PRAG1: variants seen among roughly 807,000 people sequenced by gnomAD.
PRAG1 encodes inactive tyrosine-protein kinase PRAG1.
Under a neutral mutation model 95.6 loss-of-function variants are expected in PRAG1, and 110 were observed. That is an observed-to-expected ratio of 1.15 (90% CI 0.99 to 1.35). PRAG1 has a LOEUF of 1.35. Among genes scored for constraint, PRAG1 ranks in the 40% most tolerant of loss-of-function variants. The pLI, the probability that PRAG1 is intolerant of heterozygous loss-of-function variation, is 0.00. For missense variants in PRAG1, 2,554 were observed against 1,864.7 expected, an observed-to-expected ratio of 1.37 and a Z score of -6.81; for synonymous variants, 1,052 against 819.4, an observed-to-expected ratio of 1.28 and a Z score of -4.85.
chr8:8,360,411 CA>C (rs1442954351), intron 3 of PRAG1, among the ~76,000 whole-genome samples: 2 of 152,116 alleles, frequency 1.3e-5, no homozygotes, highest in Non-Finnish European at 2.9e-5. Flanking sequence ...CCTGAATTAC[CA>C]AAATTTCTCC....
chr8:8,366,691 T>C (rs1460234195), intron 3 of PRAG1, among the ~76,000 whole-genome samples: 2 of 151,872 alleles, frequency 1.3e-5, no homozygotes, highest in Non-Finnish European at 2.9e-5. Context: ...TTTTATCTTT[T>C]TTTTTGAGAC....
In PRAG1 at chr8:8,377,334, G is replaced by A. The variant is rs751572450; in HGVS notation, c.1075C>T (p.Pro359Ser). The A allele has an allele frequency of 1.9e-6, 3 of 1,605,998 alleles. No homozygotes were observed. Among genetic ancestry groups the A allele is most frequent in the Non-Finnish European group, 2.5e-6 (3 of 1,177,236 alleles). The change falls in exon 3 of 6, where the codon CCC (proline) becomes TCC (serine). Residue 359 changes from proline (P) to serine (S), a missense_variant. Pro to Ser is a moderately conservative substitution (Grantham distance 74, BLOSUM62 -1). Transcript: ENST00000615670. ...GAGCAGTAATCACTCTCGAGGTGGG[G>A]GACGAAGGGGCTACTGGCGCCGCTG... The part of the protein sequence containing the change: ...SGSGASSPFV[P>S]HLESDYCSLM...
intron 3 of PRAG1, among the ~76,000 whole-genome samples, chr8:8,349,613 TG>T (rs1799455292): frequency 6.6e-6 from 1 of 152,086 alleles, no homozygotes; most frequent in African/African-American, 2.4e-5. Context: ...TGGAGCTTTT[TG>T]ATGAAGATGC....
At chr8:8,331,181 T>A (rs1037201402) in intron 4 of PRAG1, among the ~76,000 whole-genome samples, 3 of 152,136 alleles carry the variant, frequency 2.0e-5, no homozygotes, top group African/African-American at 2.4e-5. Context: ...CCATCCCAAG[T>A]CCAGTCGGCT....
At chr8:8,381,283 A>G in intron 2 of PRAG1, 135 bp downstream of exon 2, 1 of 780,472 alleles carries the variant, frequency 1.3e-6, no homozygotes, top group African/African-American at 1.7e-5. Flanking sequence ...GGCAGGAGCC[A>G]TCTCAGGGCA....
At chr8:8,334,243 AG>A (rs1184166605) in intron 4 of PRAG1, among the ~76,000 whole-genome samples, 4 of 152,074 alleles carry the variant, frequency 2.6e-5, no homozygotes, top group South Asian at 4.1e-4. Flanking sequence ...CTGGAGTTTG[AG>A]GGGCCAACAT....
chr8:8,332,574 G>C (rs1296169920), intron 4 of PRAG1, among the ~76,000 whole-genome samples: 1 of 152,064 alleles, frequency 6.6e-6, no homozygotes, highest in African/African-American at 2.4e-5. Context: ...AGCTCTCCAG[G>C]TGTGGAATTA....
At chr8:8,319,325 A>G in intron 5 of PRAG1, 23 bp from the exon 6 acceptor site, 1 of 1,486,818 alleles carries the variant, frequency 6.7e-7, no homozygotes, top group Non-Finnish European at 9.0e-7. Context: ...GAAGAAGTGA[A>G]ATCAAGAGTG....
intron 3 of PRAG1, among the ~76,000 whole-genome samples, chr8:8,344,295 G>GA (rs1251376961): frequency 6.6e-6 from 1 of 151,988 alleles, no homozygotes; most frequent in South Asian, 2.1e-4. Flanking sequence ...TATAGCAGTA[G>GA]AAAAAAATGA....
chr8:8,319,176 CG>C lies in PRAG1; in HGVS notation c.3198del (p.Asp1067ThrfsTer70). ...GCAGGCACAGGGTCCTTGGGCGCGTCGGGGGAGCTGAGCATGCTGGACGGCA... is the reference window on the plus strand; with the variant it reads ...GCAGGCACAGGGTCCTTGGGCGCGTCGGGGAGCTGAGCATGCTGGACGGCA... ...ASVPSSMLSS[P>X]DAPKDPVPAL... On this transcript the variant is annotated frameshift_variant, in exon 6 of 6. Transcript: ENST00000615670. LOFTEE classifies it high-confidence loss of function. 2.5e-6 allele frequency: 4 copies of C among 1,602,566 alleles called. No homozygotes were observed. Among genetic ancestry groups the C allele is most frequent in the South Asian group, 1.1e-5 (1 of 90,058 alleles).
intron 3 of PRAG1, among the ~76,000 whole-genome samples, chr8:8,352,693 C>T (rs141390906): frequency 6.6e-6 from 1 of 152,320 alleles, no homozygotes; most frequent in East Asian, 1.9e-4. Context: ...TCATCTCTAC[C>T]TCTACTCTAA....
chr8:8,318,350 G>T lies in PRAG1; in HGVS notation c.4025C>A (p.Thr1342Asn), dbSNP rs1171576875. 2 of 1,613,850 alleles carry T rather than the reference G, an allele frequency of 1.2e-6. No homozygotes were observed. Among genetic ancestry groups the T allele is most frequent in the African/African-American group, 2.7e-5 (2 of 74,942 alleles). Reference sequence around the variant, plus strand: ...CGTGCCGCACAGCGCCTCCTCCGAGGTGCCCGGCTGCTGCACCAGCTCGCG... The same window carrying T: ...CGTGCCGCACAGCGCCTCCTCCGAGTTGCCCGGCTGCTGCACCAGCTCGCG... ...PRRELVQQPG[T>N]SEEALCGTLH... is the part of the protein sequence containing the mutation. Residue 1342 changes from threonine to asparagine, a missense_variant, in exon 6 of 6, where the codon ACC becomes AAC. Coordinates refer to ENST00000615670, the MANE Select transcript of PRAG1 (RefSeq NM_001080826.3). The surrounding 1 kb of genome is among the most constrained non-coding windows in gnomAD (Gnocchi z 4.2).
At chr8:8,365,246 A>G (rs1799961847) in intron 3 of PRAG1, among the ~76,000 whole-genome samples, 1 of 152,080 alleles carries the variant, frequency 6.6e-6, no homozygotes, top group African/African-American at 2.4e-5. Context: ...ACATCACTGA[A>G]TTTTCATTGT....
intron 3 of PRAG1, among the ~76,000 whole-genome samples, chr8:8,372,302 C>T (rs2979134): frequency 4.6e-5 from 7 of 152,024 alleles, no homozygotes; most frequent in Non-Finnish European, 7.4e-5. Context: ...TTATAGGTGT[C>T]AGCCACCATG....
intron 3 of PRAG1, among the ~76,000 whole-genome samples, chr8:8,349,350 G>A (rs990062366): frequency 1.3e-5 from 2 of 151,614 alleles, no homozygotes; most frequent in South Asian, 2.1e-4. Flanking sequence ...GCATCATCTC[G>A]CCTCACTGCA....
chr8:8,362,479 T>C (rs1799874041), intron 3 of PRAG1, among the ~76,000 whole-genome samples: 1 of 152,196 alleles, frequency 6.6e-6, no homozygotes, highest in African/African-American at 2.4e-5. Flanking sequence ...AGTCTGGGTT[T>C]ATTCATTACA....
intron 3 of PRAG1, among the ~76,000 whole-genome samples, chr8:8,354,011 G>GA (rs1352011163): frequency 2.0e-5 from 3 of 151,694 alleles, no homozygotes; most frequent in Admixed American, 1.3e-4. Flanking sequence ...TTGGTTCTTT[G>GA]AAAAAAACAA....
At chr8:8,371,954 G>C (rs551628936) in intron 3 of PRAG1, among the ~76,000 whole-genome samples, 152 of 152,268 alleles carry the variant, frequency 1.0e-3, no homozygotes, top group African/African-American at 3.4e-3. Flanking sequence ...AGACCATTTA[G>C]ACACTGAAAC....
chr8:8,327,561 C>T, intron 5 of PRAG1, 149 bp downstream of exon 5: 2 of 949,954 alleles, frequency 2.1e-6, no homozygotes, highest in Non-Finnish European at 3.0e-6. Context: ...CAAAGTGAGA[C>T]TCTTATCTTA....
Sources: gnomAD v4.1 joint callset for allele counts (sites outside exome capture counted in the v4.1 genomes callset) on GRCh38, gnomAD v4.1.1 for gene constraint, Gnocchi (gnomAD v3.1) non-coding constraint, MANE v1.5 for transcripts, NCBI Gene and HGNC (gene_info 2026-07-23, HGNC 2026-07-21) for gene names.